The following GLI3 variants were observed in gnomAD, a reference collection of about 807,000 sequenced individuals.
GLI3 encodes transcription activator GLI3.
In GLI3, 20 loss-of-function variants were observed where a neutral mutation model predicts 100.8. The ratio of observed to expected loss-of-function variants is 0.20; its 90% CI spans 0.14 to 0.29. The LOEUF (loss-of-function observed/expected upper bound fraction) is 0.29. Among genes scored for constraint, GLI3 ranks in the 10% least tolerant of loss-of-function variants. The probability of loss-of-function intolerance (pLI) is 1.00; values close to 1 mark genes in which losing one functional copy is unlikely to be tolerated. For missense variants in GLI3, 2,040 were observed against 2,128.5 expected, an observed-to-expected ratio of 0.96 and a Z score of 0.82; for synonymous variants, 938 against 860.5, an observed-to-expected ratio of 1.09 and a Z score of -1.58.
At chr7:42,004,338 A>T (rs1003369700) in intron 10 of GLI3, among the ~76,000 whole-genome samples, 2 of 152,234 alleles carry the variant, frequency 1.3e-5, no homozygotes, top group African/African-American at 2.4e-5. Flanking sequence ...ATATTTAACA[A>T]GATAAAATTA....
At chr7:42,016,106 T>G (rs1384248529) in intron 10 of GLI3, among the ~76,000 whole-genome samples, 2 of 152,062 alleles carry the variant, frequency 1.3e-5, no homozygotes, top group Non-Finnish European at 2.9e-5. Context: ...CACCCTACAA[T>G]GCCCAGGACA....
chr7:42,202,080 CAAA>C lies in GLI3; in HGVS notation c.124+21047_124+21049del, dbSNP rs35682171. 7.1e-3 allele frequency among the ~76,000 whole-genome samples: 658 copies of C among 92,184 alleles called. 3 individuals carry two copies. Among genetic ancestry groups the C allele is most frequent in the African/African-American group, 0.025 (613 of 24,078 alleles). The allele number at this position is 92,184 out of a possible 152,430, so 60.5% of individuals were successfully genotyped here. Reference sequence around the variant, plus strand: ...CTGGAGACAGAGCAAGACTCCGTCTCAAAAAAAAAAAAAAAAAAAATACGGTAT... The same window carrying C: ...CTGGAGACAGAGCAAGACTCCGTCTCAAAAAAAAAAAAAAAAATACGGTAT... On this transcript the variant is annotated intron_variant, in intron 2 of 14. Transcript: ENST00000395925.
chr7:42,166,020 A>G (rs1357279103), intron 2 of GLI3, among the ~76,000 whole-genome samples: 3 of 152,204 alleles, frequency 2.0e-5, no homozygotes, highest in African/African-American at 7.2e-5. Context: ...AAAATCTTCT[A>G]GAAGCACATG....
chr7:42,107,775 T>C (rs3779149), intron 3 of GLI3, among the ~76,000 whole-genome samples: 46,396 of 152,092 alleles, frequency 0.31, 7,225 homozygotes, highest in Middle Eastern at 0.41. Context: ...CAGCAATCTC[T>C]GCATCTCTTC....
intron 3 of GLI3, among the ~76,000 whole-genome samples, chr7:42,121,015 T>C (rs1785984983): frequency 6.6e-6 from 1 of 152,230 alleles, no homozygotes; most frequent in South Asian, 2.1e-4. Context: ...GATATTATGT[T>C]CACTGGCTCC....
At chr7:41,995,595 A>C (rs1334610810) in intron 10 of GLI3, among the ~76,000 whole-genome samples, 1 of 152,138 alleles carries the variant, frequency 6.6e-6, no homozygotes, top group African/African-American at 2.4e-5. Flanking sequence ...CTGAGGAAAA[A>C]AGTGGCAATT....
intron 4 of GLI3, among the ~76,000 whole-genome samples, chr7:42,057,694 C>T (rs1480793437): frequency 6.6e-6 from 1 of 152,122 alleles, no homozygotes; most frequent in Non-Finnish European, 1.5e-5. Flanking sequence ...AAGCCCAGCA[C>T]CCATAAAAAT....
intron 2 of GLI3, among the ~76,000 whole-genome samples, chr7:42,177,700 T>C (rs890384489): frequency 2.0e-5 from 3 of 152,044 alleles, no homozygotes; most frequent in East Asian, 3.9e-4. Context: ...TAAATTAATG[T>C]GAAAAAACAT....
chr7:42,037,261 G>A (rs910450638), intron 7 of GLI3, among the ~76,000 whole-genome samples: 6 of 152,190 alleles, frequency 3.9e-5, no homozygotes, highest in East Asian at 1.9e-4. Context: ...GAGGCTAAAC[G>A]CACCTGAAGT....
At chr7:42,072,000 G>A (rs1271638938) in intron 4 of GLI3, among the ~76,000 whole-genome samples, 1 of 152,160 alleles carries the variant, frequency 6.6e-6, no homozygotes, top group East Asian at 1.9e-4. Flanking sequence ...AAGGGCTGAC[G>A]TACAGAACAG....
chr7:42,231,151 T>A (rs914659197), intron 1 of GLI3, among the ~76,000 whole-genome samples: 8 of 152,148 alleles, frequency 5.3e-5, no homozygotes, highest in Non-Finnish European at 8.8e-5. Context: ...GGGAGTAGAG[T>A]GTATGTTCCA....
At chr7:42,168,662 T>A (rs377088760) in intron 2 of GLI3, among the ~76,000 whole-genome samples, 1 of 152,090 alleles carries the variant, frequency 6.6e-6, no homozygotes, top group African/African-American at 2.4e-5. Flanking sequence ...ATGCCTGCAA[T>A]CTCTGCACCT....
chr7:41,997,918 G>A (rs564788753), intron 10 of GLI3, among the ~76,000 whole-genome samples: 227 of 152,236 alleles, frequency 1.5e-3, no homozygotes, highest in Middle Eastern at 0.01. Context: ...TCTCAATTTA[G>A]CTCTAATATT....
At chr7:42,248,850 G>A (rs1490777894) in intron 1 of GLI3, among the ~76,000 whole-genome samples, 3 of 151,934 alleles carry the variant, frequency 2.0e-5, no homozygotes, top group Non-Finnish European at 4.4e-5. Flanking sequence ...GTGCAGTGGT[G>A]TGGTCACAGC....
chr7:42,197,415 A>G (rs937663314), intron 2 of GLI3, among the ~76,000 whole-genome samples: 1 of 152,226 alleles, frequency 6.6e-6, no homozygotes, highest in Non-Finnish European at 1.5e-5. Context: ...ATGCAAGGAT[A>G]TTAACTTGGG....
intron 7 of GLI3, among the ~76,000 whole-genome samples, chr7:42,028,889 C>G (rs1789202688): frequency 6.6e-6 from 1 of 152,118 alleles, no homozygotes; most frequent in Non-Finnish European, 1.5e-5. Flanking sequence ...GTCTACGATC[C>G]TCCTTGTCCT....
chr7:41,994,461 C>T (rs1192728707), intron 10 of GLI3, among the ~76,000 whole-genome samples: 1 of 152,112 alleles, frequency 6.6e-6, no homozygotes, highest in Non-Finnish European at 1.5e-5. Flanking sequence ...ATAAAGAAGG[C>T]ACTTTACCTA....
chr7:42,047,449 T>C (rs1784267188), intron 5 of GLI3, among the ~76,000 whole-genome samples: 1 of 152,210 alleles, frequency 6.6e-6, no homozygotes, highest in Non-Finnish European at 1.5e-5. Flanking sequence ...GGTGTTTCTC[T>C]GATGTGGAAC....
intron 2 of GLI3, among the ~76,000 whole-genome samples, chr7:42,149,257 G>A (rs10230715): frequency 0.49 from 74,100 of 151,954 alleles, 18,360 homozygotes; most frequent in Non-Finnish European, 0.53. Flanking sequence ...GTTGATATGT[G>A]TCCATGCTCT....
Sources: allele counts gnomAD v4.1 joint callset (sites outside exome capture counted in the v4.1 genomes callset), GRCh38; gene constraint gnomAD v4.1.1; transcripts MANE v1.5; gene names NCBI Gene and HGNC (gene_info 2026-07-23, HGNC 2026-07-21).